Variants in VAT1L observed in about 807,000 individuals in gnomAD.
The protein encoded by VAT1L is vesicle amine transport 1 like, also known as putative NADPH-dependent quinone oxidoreductase VAT1L.
VAT1L carries 34 observed loss-of-function variants against 44.1 expected under a neutral mutation model. The observed-to-expected ratio is 0.77, with a 90% CI of 0.59 to 1.03. The LOEUF is 1.03. VAT1L is among the 50% of genes least tolerant of loss of function. The pLI, the probability that VAT1L is intolerant of heterozygous loss-of-function variation, is 0.00. For missense variants in VAT1L, 615 were observed against 538.8 expected, an observed-to-expected ratio of 1.14 and a Z score of -1.40; for synonymous variants, 253 against 202.2, an observed-to-expected ratio of 1.25 and a Z score of -2.13.
At chr16:77,907,527 C>T (rs2017451144) in intron 7 of VAT1L, among the ~76,000 whole-genome samples, 1 of 152,204 alleles carries the variant, frequency 6.6e-6, no homozygotes, top group East Asian at 1.9e-4. Context: ...TCCTTTTGGT[C>T]TCTGTTTTGC....
At chr16:77,934,047 G>A (rs1004368576) in intron 7 of VAT1L, among the ~76,000 whole-genome samples, 1 of 152,096 alleles carries the variant, frequency 6.6e-6, no homozygotes, top group Admixed American at 6.5e-5. Context: ...GCTAGAGGGA[G>A]GAGTAAGAAT....
At chr16:77,805,960 T>C (rs2145221223) in intron 1 of VAT1L, among the ~76,000 whole-genome samples, 1 of 146,072 alleles carries the variant, frequency 6.8e-6, no homozygotes, top group Non-Finnish European at 1.5e-5. Flanking sequence ...CCTCCAGGGT[T>C]CAAGCAATTC....
rs75090092 is a variant in VAT1L at position 77,868,387 on chromosome 16, C to T, written c.722+5497C>T. On this transcript the variant is annotated intron_variant, in intron 4 of 8. Transcript: ENST00000302536. ...TGAGCAAAACAAGCAAATCCCCATGCAAGACAATGGGGTTGGCAGCTGATA... is the reference window on the plus strand; with the variant it reads ...TGAGCAAAACAAGCAAATCCCCATGTAAGACAATGGGGTTGGCAGCTGATA... Among the ~76,000 whole-genome samples the T allele has an allele frequency of 9.8e-3, 1,487 of 152,274 alleles. 37 individuals carry two copies. The highest frequency in any genetic ancestry group is 0.034 in the African/African-American group (1,427 of 41,548).
At chr16:77,888,268 G>T (rs149932054) in intron 7 of VAT1L, among the ~76,000 whole-genome samples, 353 of 152,208 alleles carry the variant, frequency 2.3e-3, no homozygotes, top group African/African-American at 8.3e-3. Flanking sequence ...TTATTTCTCA[G>T]CTTGCTTAGA....
At chr16:77,951,840 T>TA (rs11415182) in intron 7 of VAT1L, among the ~76,000 whole-genome samples, 66,492 of 145,850 alleles carry the variant, frequency 0.46, 17,108 homozygotes, top group East Asian at 0.65. Flanking sequence ...AGTTTAAAAT[T>TA]AAAAAAAAAA....
In VAT1L at chr16:77,862,591, C is replaced by G. The variant is rs569565240; in HGVS notation, c.580-157C>G. ...AGATCGCACCACTGCACATTGCACTCCAGCCTGAGTGACAGAGTGAGACTC... is the reference window on the plus strand; with the variant it reads ...AGATCGCACCACTGCACATTGCACTGCAGCCTGAGTGACAGAGTGAGACTC... On this transcript the variant is annotated intron_variant, in intron 3 of 8. Transcript: ENST00000302536. Among the ~76,000 whole-genome samples the G allele has an allele frequency of 1.4e-3, 208 of 148,338 alleles. 3 individuals carry two copies. Among genetic ancestry groups the G allele is most frequent in the Middle Eastern group, 3.5e-3 (1 of 286 alleles).
rs188751483 is a variant in VAT1L, at chr16:77,960,046, C to T, written c.1078-11804C>T. 2.1e-3 allele frequency among the ~76,000 whole-genome samples: 313 copies of T among 152,174 alleles called. 3 individuals are homozygous for T. The South Asian group carries it at 0.05, about 24-fold the overall frequency. On this transcript the variant is annotated intron_variant, in intron 7 of 8. Coordinates refer to ENST00000302536, the MANE Select transcript of VAT1L (RefSeq NM_020927.3). ...CCTCTAAATCCTAGCTCAATTATCA[C>T]TTCTTCAGAGAAGCACTCCCTGATC...
intron 7 of VAT1L, among the ~76,000 whole-genome samples, chr16:77,909,694 C>T (rs2017478139): frequency 1.3e-5 from 2 of 151,150 alleles, no homozygotes; most frequent in South Asian, 2.1e-4. Flanking sequence ...AGCACTCTGC[C>T]TGTATCTTTT....
intron 1 of VAT1L, among the ~76,000 whole-genome samples, chr16:77,811,104 G>GT (rs1328016584): frequency 6.6e-6 from 1 of 152,128 alleles, no homozygotes; most frequent in Non-Finnish European, 1.5e-5. Flanking sequence ...AGGGAGATTT[G>GT]TTTAATGATC....
rs2017120613 is a variant in VAT1L at position 77,879,089 on chromosome 16, A to G, written c.827-80A>G. Reference sequence around the variant, plus strand: ...AGATTTCTCCAGTTCCGGACCAAACAATTGCCATTTTTTTCATGCATAACA... The same window carrying G: ...AGATTTCTCCAGTTCCGGACCAAACGATTGCCATTTTTTTCATGCATAACA... On this transcript the variant is annotated intron_variant, in intron 5 of 8. Transcript: ENST00000302536. The surrounding 1 kb of genome is among the most constrained non-coding windows in gnomAD (Gnocchi z 4.1). 1 of 1,467,790 alleles carries G rather than the reference A, an allele frequency of 6.8e-7. No individual in the cohort carries two copies. The highest frequency in any genetic ancestry group is 9.5e-7 in the Non-Finnish European group (1 of 1,050,148). The allele number at this position is 1,467,790 out of a possible 1,614,324, so 90.9% of individuals were successfully genotyped here.
chr16:77,845,578 A>G (rs1332747198), intron 3 of VAT1L, among the ~76,000 whole-genome samples: 1 of 151,756 alleles, frequency 6.6e-6, no homozygotes, highest in African/African-American at 2.4e-5. Context: ...GGAAATTCAA[A>G]CCCTTTGAAC....
At chr16:77,943,380 CTTT>C (rs773527946) in intron 7 of VAT1L, among the ~76,000 whole-genome samples, 3 of 125,858 alleles carry the variant, frequency 2.4e-5, no homozygotes, top group Non-Finnish European at 1.6e-5. Context: ...CTTTTTCTTT[CTTT>C]TTTTTTTTTT....
chr16:77,793,734 T>C (rs1277396761), intron 1 of VAT1L, among the ~76,000 whole-genome samples: 1 of 152,010 alleles, frequency 6.6e-6, no homozygotes, highest in East Asian at 1.9e-4. Flanking sequence ...GGATGAAAAA[T>C]GGTTCCAGCC....
rs751480661 is a variant in VAT1L, at chr16:77,879,231, A to G, written c.882+7A>G. On this transcript the variant is annotated splice_region_variant and intron_variant, in intron 6 of 8. Transcript: ENST00000302536. This position sits in a 1 kb window ranked among gnomAD's most constrained non-coding sequence, Gnocchi z 4.1. ...CTTCAGCTTTGCAAAATCAGTAAGT[A>G]TCCAGGCACATCTGATGTACTGTGG... is the stretch of plus-strand genomic sequence containing the variant. 6.2e-7 allele frequency: 1 copy of G among 1,613,712 alleles called. No individual in the cohort carries two copies. Among genetic ancestry groups the G allele is most frequent in the Admixed American group, 1.7e-5 (1 of 60,018 alleles).
intron 7 of VAT1L, among the ~76,000 whole-genome samples, chr16:77,910,499 C>A (rs185076515): frequency 3.3e-5 from 5 of 151,806 alleles, no homozygotes; most frequent in South Asian, 2.1e-4. Flanking sequence ...GGTGAAACCC[C>A]GTCTCTACTA....
At chr16:77,886,060 A>G (rs1243553133) in intron 7 of VAT1L, among the ~76,000 whole-genome samples, 1 of 152,240 alleles carries the variant, frequency 6.6e-6, no homozygotes, top group Non-Finnish European at 1.5e-5. Flanking sequence ...ATAAACTGCA[A>G]GTCCACATTC....
intron 7 of VAT1L, among the ~76,000 whole-genome samples, chr16:77,889,305 A>T (rs1041640194): frequency 1.3e-5 from 2 of 152,222 alleles, no homozygotes; most frequent in Admixed American, 1.3e-4. Context: ...TTGTAAATTT[A>T]ATTCACAAAG....
intron 3 of VAT1L, among the ~76,000 whole-genome samples, chr16:77,826,916 G>C (rs1354300510): frequency 2.0e-5 from 3 of 152,118 alleles, no homozygotes; most frequent in African/African-American, 7.2e-5. Context: ...TATTTCACTG[G>C]AGGTTTTGCT....
intron 7 of VAT1L, among the ~76,000 whole-genome samples, chr16:77,897,872 C>CTGACTTTATTTCCCAAAACAGT (rs1450105286): frequency 6.6e-6 from 1 of 152,166 alleles, no homozygotes; most frequent in African/African-American, 2.4e-5. Context: ...ATAGGAACAG[C>CTGACTTTATTTCCCAAAACAGT]TGACTTTATT....
Sources: gnomAD v4.1 joint callset for allele counts (sites outside exome capture counted in the v4.1 genomes callset) on GRCh38, gnomAD v4.1.1 for gene constraint, Gnocchi (gnomAD v3.1) non-coding constraint, MANE v1.5 for transcripts, NCBI Gene and HGNC (gene_info 2026-07-23, HGNC 2026-07-21) for gene names.